Variants in PXDN observed in about 807,000 individuals in gnomAD.
PXDN encodes peroxidasin, also known as peroxidasin homolog.
A neutral mutation model predicts 140.3 loss-of-function variants in PXDN; 77 were observed. That is an observed-to-expected ratio of 0.55 (90% CI 0.46 to 0.66). PXDN has a LOEUF of 0.66. Among genes scored for constraint, PXDN ranks in the 30% least tolerant of loss-of-function variants. The pLI is 0.00. For missense variants in PXDN, 1,838 were observed against 2,039.5 expected (o/e 0.90, Z 1.90); for synonymous variants, 911 against 857.4 (o/e 1.06, Z -1.09).
At chr2:1,653,499 A>T (rs1185795980) in intron 16 of PXDN, 129 bp downstream of exon 16, 1 of 1,322,112 alleles carries the variant, frequency 7.6e-7, no homozygotes, top group East Asian at 2.5e-5. Flanking sequence ...TAAGGAAATA[A>T]TTTCACAGTT....
intron 6 of PXDN, among the ~76,000 whole-genome samples, chr2:1,681,838 T>C (rs190514571): frequency 2.0e-5 from 3 of 152,318 alleles, no homozygotes; most frequent in South Asian, 2.1e-4. Context: ...CAGTCGGTCC[T>C]GGTGGAGCGA....
At chr2:1,667,461 A>C (rs1322293175) in intron 9 of PXDN, among the ~76,000 whole-genome samples, 2 of 152,130 alleles carry the variant, frequency 1.3e-5, no homozygotes, top group Non-Finnish European at 2.9e-5. Context: ...ATTCCTGGAC[A>C]TATACACCCT....
At chr2:1,647,418 G>A (rs909592224) in intron 17 of PXDN, among the ~76,000 whole-genome samples, 3 of 152,164 alleles carry the variant, frequency 2.0e-5, no homozygotes, top group African/African-American at 4.8e-5. Context: ...CCAGTCCTAG[G>A]CCTGGGTAGT....
chr2:1,700,146 C>T (rs1440066698), intron 1 of PXDN, among the ~76,000 whole-genome samples: 1 of 152,148 alleles, frequency 6.6e-6, no homozygotes, highest in African/African-American at 2.4e-5. Flanking sequence ...ACTGCAACCA[C>T]CGCCTCCCGG....
chr2:1,661,404 C>T (rs537648278), intron 13 of PXDN, among the ~76,000 whole-genome samples: 20 of 152,224 alleles, frequency 1.3e-4, no homozygotes, highest in Middle Eastern at 6.8e-3. Context: ...GCACTGGCGC[C>T]GAGGGCAAAG....
At chr2:1,679,998 ATGTG>A (rs751658807) in intron 7 of PXDN, among the ~76,000 whole-genome samples, 191 bp downstream of exon 7, 34 of 82,298 alleles carry the variant, frequency 4.1e-4, no homozygotes, top group Admixed American at 2.1e-3. Flanking sequence ...TGTAAATGGT[ATGTG>A]TGTGTGTGGA....
chr2:1,677,399 G>A (rs1487225970), intron 7 of PXDN, among the ~76,000 whole-genome samples: 1 of 152,210 alleles, frequency 6.6e-6, no homozygotes, highest in African/African-American at 2.4e-5. Flanking sequence ...TATTTTCACT[G>A]AAGAAAAGAC....
In PXDN at chr2:1,665,036, C is replaced by T. The variant is rs761385604; in HGVS notation, c.1330G>A (p.Val444Ile). 2.4e-5 allele frequency: 39 copies of T among 1,611,790 alleles called. No homozygotes were observed. The highest frequency in any genetic ancestry group is 1.6e-4 in the Middle Eastern group (1 of 6,082). Residue 444 changes from valine (V) to isoleucine (I), a missense_variant, in exon 11 of 23, where the codon GTT becomes ATT. Physicochemically the swap from Val to Ile is conservative, Grantham distance 29 (BLOSUM62 3). Transcript: ENST00000252804. ...AAATCCACGGTCTGGCCCTCAATAACGACTCTGTCCTGAGGCGTCACAGTG... is the reference window on the plus strand; with the variant it reads ...AAATCCACGGTCTGGCCCTCAATAATGACTCTGTCCTGAGGCGTCACAGTG... ...QFTVTPQDRV[V>I]IEGQTVDFQC...
At chr2:1,707,112 C>T (rs113635233) in intron 1 of PXDN, among the ~76,000 whole-genome samples, 46 of 66,610 alleles carry the variant, frequency 6.9e-4, no homozygotes, top group South Asian at 6.4e-4. Context: ...CGCTGCAGTG[C>T]TCACCAATCA....
chr2:1,648,098 A>C lies in PXDN; in HGVS notation c.3608+74T>G. 1 of 1,526,466 alleles carries C rather than the reference A, an allele frequency of 6.6e-7. No individual in the cohort carries two copies. Among genetic ancestry groups the C allele is most frequent in the Non-Finnish European group, 8.9e-7 (1 of 1,123,402 alleles). The allele number at this position is 1,526,466 out of a possible 1,614,324, so 94.6% of individuals were successfully genotyped here. ...ACAAAACTCACACACAGAGACAAAT[A>C]ACACACACACCACAGTTCAGGTGTT... On this transcript the variant is annotated intron_variant, in intron 17 of 22. Coordinates refer to ENST00000252804, the MANE Select transcript of PXDN (RefSeq NM_012293.3). The surrounding 1 kb of genome is among the most constrained non-coding windows in gnomAD (Gnocchi z 8.9).
Position 1,692,001 on chromosome 2 carries a change from T to C in PXDN, c.273-2A>G. The C allele has an allele frequency of 6.6e-7, 1 of 1,513,330 alleles. No homozygotes were observed. The highest frequency in any genetic ancestry group is 8.9e-7 in the Non-Finnish European group (1 of 1,123,066). The allele number at this position is 1,513,330 out of a possible 1,614,324, so 93.7% of individuals were successfully genotyped here. A position where few individuals can be genotyped will look rare whatever the true frequency, so the allele number is the denominator to read the frequency against. ...TTGATCTGATTATTATTGAGAAGCC[T>C]ATGAAAGAGAGTCGATAAGAATTTT... On this transcript the variant is annotated splice_acceptor_variant, in intron 2 of 22. Coordinates refer to ENST00000252804, the MANE Select transcript of PXDN (RefSeq NM_012293.3). LOFTEE classifies it high-confidence loss of function.
intron 8 of PXDN, among the ~76,000 whole-genome samples, chr2:1,674,217 T>G (rs1683643444): frequency 6.6e-6 from 1 of 152,240 alleles, no homozygotes; most frequent in Admixed American, 6.5e-5. Context: ...GTATTTTATT[T>G]TTTTATTTTA....
chr2:1,701,713 C>T (rs987556152), intron 1 of PXDN, among the ~76,000 whole-genome samples: 9 of 152,250 alleles, frequency 5.9e-5, no homozygotes, highest in Admixed American at 2.0e-4. Context: ...ACTGAGCGTT[C>T]GCACCCCGTC....
intron 1 of PXDN, among the ~76,000 whole-genome samples, chr2:1,735,309 C>G (rs888635135): frequency 6.6e-6 from 1 of 152,210 alleles, no homozygotes; most frequent in Non-Finnish European, 1.5e-5. Context: ...AAAATGATGA[C>G]TCCTTTCCAG....
In PXDN at chr2:1,684,157, G is replaced by A. The variant is rs751084443; in HGVS notation, c.417-6C>T. 1 of 1,563,932 alleles carries A rather than the reference G, an allele frequency of 6.4e-7. No homozygotes were observed. The highest frequency in any genetic ancestry group is 1.9e-5 in the Admixed American group (1 of 53,062). ...TCTGATTAAAGTGCAGGTATCTAGAGGAGTTAAAAGAAAAAAAAGTATAAC... is the reference window on the plus strand; with the variant it reads ...TCTGATTAAAGTGCAGGTATCTAGAAGAGTTAAAAGAAAAAAAAGTATAAC... On this transcript the variant is annotated splice_polypyrimidine_tract_variant and splice_region_variant and intron_variant, in intron 4 of 22. Coordinates refer to ENST00000252804, the MANE Select transcript of PXDN (RefSeq NM_012293.3).
chr2:1,722,492 C>G (rs982853085), intron 1 of PXDN, among the ~76,000 whole-genome samples: 1 of 152,230 alleles, frequency 6.6e-6, no homozygotes, highest in Non-Finnish European at 1.5e-5. Flanking sequence ...GGAACATATT[C>G]ACCCAAATCA....
At chr2:1,695,077 T>G (rs765917729) in intron 1 of PXDN, among the ~76,000 whole-genome samples, 84 of 152,224 alleles carry the variant, frequency 5.5e-4, no homozygotes, top group Non-Finnish European at 1.0e-3. Flanking sequence ...CCACTTATTC[T>G]GGCTCCTCAT....
At chr2:1,724,615 G>A (rs1412672772) in intron 1 of PXDN, among the ~76,000 whole-genome samples, 2 of 152,138 alleles carry the variant, frequency 1.3e-5, no homozygotes, top group East Asian at 1.9e-4. Flanking sequence ...ACAAAGAGAC[G>A]ACCCTTTCCT....
chr2:1,639,151 C>T lies in PXDN; in HGVS notation c.4073+151G>A, dbSNP rs931680280. On this transcript the variant is annotated intron_variant, in intron 20 of 22. Transcript: ENST00000252804. This position sits in a 1 kb window ranked among gnomAD's most constrained non-coding sequence, Gnocchi z 5.0. ...GCTCTGAGTGGGCAGCACAGCAGGA[C>T]GCAGGCTGCGGCCTGGCCCCCAGTG... The T allele has an allele frequency of 6.1e-6, 9 of 1,481,412 alleles. No homozygotes were observed. The highest frequency in any genetic ancestry group is 4.8e-5 in the East Asian group (2 of 41,882). The allele number at this position is 1,481,412 out of a possible 1,614,324, so 91.8% of individuals were successfully genotyped here.
Sources: gnomAD v4.1 joint callset for allele counts (sites outside exome capture counted in the v4.1 genomes callset) on GRCh38, gnomAD v4.1.1 for gene constraint, Gnocchi (gnomAD v3.1) non-coding constraint, MANE v1.5 for transcripts, NCBI Gene and HGNC (gene_info 2026-07-23, HGNC 2026-07-21) for gene names.